Variants in SYT14 observed in about 807,000 individuals in gnomAD.
SYT14 encodes synaptotagmin-14.
Under a neutral mutation model 74.2 loss-of-function variants are expected in SYT14, and 32 were observed. That is an observed-to-expected ratio of 0.43 (90% CI 0.33 to 0.58). The LOEUF (loss-of-function observed/expected upper bound fraction) is 0.58, where lower values mean the gene tolerates loss of function less well. Ranked by LOEUF, SYT14 falls within the 20% of genes least tolerant of loss-of-function variation. The pLI, the probability that SYT14 is intolerant of heterozygous loss-of-function variation, is 0.05. For missense variants in SYT14, 791 were observed against 981.8 expected (o/e 0.81, Z 2.60); for synonymous variants, 298 against 337.7 (o/e 0.88, Z 1.29).
intron 5 of SYT14, among the ~76,000 whole-genome samples, chr1:210,059,552 G>T (rs943485298): frequency 6.6e-6 from 1 of 151,124 alleles, no homozygotes; most frequent in Non-Finnish European, 1.5e-5. Context: ...TACTGTCAGA[G>T]TTGTGGGCCC....
rs1006657290 is a variant in SYT14, at chr1:209,973,318, G to A, written c.-486+20562G>A. Among the ~76,000 whole-genome samples the A allele has an allele frequency of 4.6e-5, 7 of 151,944 alleles. No homozygotes were observed. The East Asian group carries it at 1.2e-3, about 25-fold the overall frequency. On this transcript the variant is annotated intron_variant, in intron 2 of 9. Transcript: ENST00000637265. ...GTTGGTGTGCTGCACCCATTAACTCGTCATTTAACATTAGGTATATATCCT... is the reference window on the plus strand; with the variant it reads ...GTTGGTGTGCTGCACCCATTAACTCATCATTTAACATTAGGTATATATCCT...
At chr1:210,044,054 T>C (rs180777138) in intron 5 of SYT14, among the ~76,000 whole-genome samples, 1 of 152,288 alleles carries the variant, frequency 6.6e-6, no homozygotes, top group Non-Finnish European at 1.5e-5. Flanking sequence ...TTTTAATTTC[T>C]AGCAGTAGAC....
chr1:209,990,549 G>GTATATATATGTATATATATGTA lies in SYT14; in HGVS notation c.-485-23075_-485-23074insGTATATATATGTATATATATAT. ...CATATATATATATACGTATATATAT[G>GTATATATATGTATATATATGTA]TATATATATACGTATATATATGTAT... On this transcript the variant is annotated intron_variant, in intron 2 of 9. Coordinates refer to ENST00000637265, the Ensembl canonical transcript of SYT14. 8.4e-3 allele frequency among the ~76,000 whole-genome samples: 476 copies of GTATATATATGTATATATATGTA among 56,894 alleles called. 52 individuals are homozygous for GTATATATATGTATATATATGTA. Among genetic ancestry groups the GTATATATATGTATATATATGTA allele is most frequent in the African/African-American group, 0.017 (454 of 26,284 alleles). 37.3% of individuals were successfully genotyped at this position (56,894 alleles called of 152,430 possible). A position where few individuals can be genotyped will look rare whatever the true frequency, so the allele number is the denominator to read the frequency against.
chr1:210,128,083 A>AT (rs2082603311), intron 7 of SYT14, among the ~76,000 whole-genome samples: 1 of 151,990 alleles, frequency 6.6e-6, no homozygotes, highest in African/African-American at 2.4e-5. Context: ...TTCAAGGTAG[A>AT]TTTTTAAGGC....
At chr1:209,951,027 A>G (rs980456613) in intron 1 of SYT14, among the ~76,000 whole-genome samples, 2 of 152,214 alleles carry the variant, frequency 1.3e-5, no homozygotes, top group African/African-American at 4.8e-5. Flanking sequence ...CAAAGTATGT[A>G]TTTATGGGGT....
intron 7 of SYT14, among the ~76,000 whole-genome samples, chr1:210,126,095 C>A (rs1399910789): frequency 6.6e-6 from 1 of 151,814 alleles, no homozygotes; most frequent in South Asian, 2.1e-4. Context: ...TCCAGCTATG[C>A]GGGAGCCTGA....
In SYT14 at chr1:210,163,941, C is replaced by G. The variant is rs1379878670; in HGVS notation, c.*2899C>G. Reference sequence around the variant, plus strand: ...AAAGACAACCCACTTTCATACAGTTCTATTAAAATCCCCTAAGTTTTCTAA... The same window carrying G: ...AAAGACAACCCACTTTCATACAGTTGTATTAAAATCCCCTAAGTTTTCTAA... On this transcript the variant is annotated 3_prime_UTR_variant, in exon 10 of 10. Transcript: ENST00000637265. 8.8e-6 allele frequency: 4 copies of G among 452,904 alleles called. No individual in the cohort carries two copies. In the Admixed American group the frequency reaches 9.4e-5, roughly 11 times the overall value. The allele number at this position is 452,904 out of a possible 1,614,324, so 28.1% of individuals were successfully genotyped here.
intron 2 of SYT14, among the ~76,000 whole-genome samples, chr1:210,002,158 A>T (rs1329160366): frequency 6.6e-6 from 1 of 152,184 alleles, no homozygotes; most frequent in Admixed American, 6.5e-5. Flanking sequence ...AGTTCTTTTT[A>T]AATTTTGAAA....
At chr1:209,972,081 C>G (rs1015193763) in intron 2 of SYT14, among the ~76,000 whole-genome samples, 2 of 152,046 alleles carry the variant, frequency 1.3e-5, no homozygotes, top group African/African-American at 4.8e-5. Context: ...TTGGTCTGTT[C>G]AAGGTTTCAG....
intron 2 of SYT14, among the ~76,000 whole-genome samples, chr1:210,002,809 C>T (rs2079924960): frequency 6.6e-6 from 1 of 152,040 alleles, no homozygotes; most frequent in Non-Finnish European, 1.5e-5. Context: ...AATGTTTTTA[C>T]ACATTTTTTA....
chr1:209,995,852 A>C (rs1437233787), intron 2 of SYT14, among the ~76,000 whole-genome samples: 1 of 151,454 alleles, frequency 6.6e-6, no homozygotes, highest in Non-Finnish European at 1.5e-5. Flanking sequence ...GCACAAGTAC[A>C]TGGAAATTAA....
rs547803571 is a variant in SYT14, at chr1:210,063,351, C to T, written c.1313-30971C>T. On this transcript the variant is annotated intron_variant, in intron 5 of 9. Transcript: ENST00000637265. ...TATTAATCACTGATTTGAAATACTGCTTTTATCCTATATTAAATTCCTTTT... is the reference window on the plus strand; with the variant it reads ...TATTAATCACTGATTTGAAATACTGTTTTTATCCTATATTAAATTCCTTTT... 2.5e-3 allele frequency among the ~76,000 whole-genome samples: 376 copies of T among 151,818 alleles called. 2 individuals carry two copies. The highest frequency in any genetic ancestry group is 4.0e-3 in the Non-Finnish European group (270 of 67,764).
At chr1:210,043,118 G>C (rs1475708603) in intron 5 of SYT14, among the ~76,000 whole-genome samples, 1 of 152,138 alleles carries the variant, frequency 6.6e-6, no homozygotes, top group South Asian at 2.1e-4. Flanking sequence ...TGTAGCAGTT[G>C]TGAATGGGAG....
chr1:210,162,200 A>C (rs1264258065), exon 10 of SYT14: 2 of 432,702 alleles, frequency 4.6e-6, no homozygotes, highest in Admixed American at 4.9e-5. Flanking sequence ...TTATGAAATT[A>C]ACAGATAAAG....
chr1:210,036,879 G>A (rs1235225662), intron 5 of SYT14, among the ~76,000 whole-genome samples: 1 of 151,990 alleles, frequency 6.6e-6, no homozygotes, highest in Non-Finnish European at 1.5e-5. Context: ...TAGGGATATG[G>A]ATCTGTAGTT....
chr1:210,041,991 G>A (rs1002221046), intron 5 of SYT14, among the ~76,000 whole-genome samples: 7 of 152,002 alleles, frequency 4.6e-5, no homozygotes, highest in South Asian at 2.1e-4. Flanking sequence ...TGAGCCAAGC[G>A]TTGCTTAGTG....
chr1:210,129,405 A>G (rs2082630686), intron 7 of SYT14, among the ~76,000 whole-genome samples: 1 of 152,186 alleles, frequency 6.6e-6, no homozygotes, highest in African/African-American at 2.4e-5. Flanking sequence ...TCCAGAACCA[A>G]TCACAGTGGC....
chr1:210,031,849 A>G (rs2080543592), intron 5 of SYT14, among the ~76,000 whole-genome samples: 1 of 152,126 alleles, frequency 6.6e-6, no homozygotes. Context: ...AAGACCTCAA[A>G]AACCTGTTTT....
At chr1:209,960,159 T>C (rs865887148) in intron 2 of SYT14, among the ~76,000 whole-genome samples, 1 of 152,188 alleles carries the variant, frequency 6.6e-6, no homozygotes, top group Admixed American at 6.5e-5. Flanking sequence ...TTTGTAGTTT[T>C]ATGGCACAGG....
Sources: allele counts gnomAD v4.1 joint callset (sites outside exome capture counted in the v4.1 genomes callset), GRCh38; gene constraint gnomAD v4.1.1; transcripts MANE v1.5; gene names NCBI Gene and HGNC (gene_info 2026-07-23, HGNC 2026-07-21).